FSTL4: variants seen among roughly 807,000 people sequenced by gnomAD.
The protein encoded by FSTL4 is follistatin-related protein 4.
A neutral mutation model predicts 78.2 loss-of-function variants in FSTL4; 28 were observed. The observed-to-expected ratio is 0.36, with a 90% CI of 0.27 to 0.49. FSTL4 has a LOEUF of 0.49. Among genes scored for constraint, FSTL4 ranks in the 20% least tolerant of loss-of-function variants. FSTL4 has a pLI of 0.98. For synonymous variants in FSTL4, 422 were observed against 440.5 expected, an observed-to-expected ratio of 0.96 and a Z score of 0.53; for missense variants, 922 against 1,084.9, an observed-to-expected ratio of 0.85 and a Z score of 2.11.
At chr5:133,510,482 C>G (rs76483571) in intron 3 of FSTL4, among the ~76,000 whole-genome samples, 3 of 152,164 alleles carry the variant, frequency 2.0e-5, no homozygotes, top group South Asian at 4.2e-4. Flanking sequence ...CAGCTCTCCA[C>G]GATTCATTTA....
rs191288902 is a variant in FSTL4, at chr5:133,385,073, T to C, written c.409+15665A>G. Reference sequence around the variant, plus strand: ...TCCGTTGTCGCGCTCCCCACCCTGGTTTACAATAGGCAGGGGGTGTGTGTC... The same window carrying C: ...TCCGTTGTCGCGCTCCCCACCCTGGCTTACAATAGGCAGGGGGTGTGTGTC... On this transcript the variant is annotated intron_variant, in intron 4 of 15. Coordinates refer to ENST00000265342, the MANE Select transcript of FSTL4 (RefSeq NM_015082.2). Among the ~76,000 whole-genome samples, 147 of 152,164 alleles carry C rather than the reference T, an allele frequency of 9.7e-4. 1 individual carries two copies. The highest frequency in any genetic ancestry group is 3.4e-3 in the African/African-American group (139 of 41,482).
chr5:133,493,279 C>G (rs1758306419), intron 3 of FSTL4, among the ~76,000 whole-genome samples: 1 of 152,088 alleles, frequency 6.6e-6, no homozygotes. Flanking sequence ...TTTTCTTTTT[C>G]CCATCGGCAT....
At chr5:133,770,661 TA>T in the FSTL4 span, among the ~76,000 whole-genome samples, 5 of 152,218 alleles carry the variant, frequency 3.3e-5, no homozygotes, top group African/African-American at 1.2e-4. Flanking sequence ...TTTCCCATTC[TA>T]CAGGTTGTCT....
chr5:133,829,127 C>T, the FSTL4 span, among the ~76,000 whole-genome samples: 5 of 152,300 alleles, frequency 3.3e-5, no homozygotes, highest in East Asian at 3.9e-4. Flanking sequence ...TGGTGCCTCA[C>T]GCCTGTAATC....
chr5:133,782,765 C>A, the FSTL4 span, among the ~76,000 whole-genome samples: 1 of 152,306 alleles, frequency 6.6e-6, no homozygotes, highest in Non-Finnish European at 1.5e-5. Flanking sequence ...GCAAACAGTA[C>A]CCAAGCCACA....
intron 3 of FSTL4, among the ~76,000 whole-genome samples, chr5:133,553,015 T>C (rs988737492): frequency 2.0e-5 from 3 of 152,198 alleles, no homozygotes; most frequent in African/African-American, 2.4e-5. Flanking sequence ...TAAAGTCTCC[T>C]GGTCCTGCGG....
rs1754516789 is a variant in FSTL4, at chr5:133,338,532, T to C, written c.410-21880A>G. Among the ~76,000 whole-genome samples the C allele has an allele frequency of 6.6e-6, 1 of 152,090 alleles. No homozygotes were observed. The highest frequency in any genetic ancestry group is 1.5e-5 in the Non-Finnish European group (1 of 68,002). On this transcript the variant is annotated intron_variant, in intron 4 of 15. Coordinates refer to ENST00000265342, the MANE Select transcript of FSTL4 (RefSeq NM_015082.2). This position sits in a 1 kb window ranked among gnomAD's most constrained non-coding sequence, Gnocchi z 4.0. Reference sequence around the variant, plus strand: ...CTTCCCTCTGCTCCCCCATGGATACTCGGTTCCCTCAATCGAGGCTGGTGC... The same window carrying C: ...CTTCCCTCTGCTCCCCCATGGATACCCGGTTCCCTCAATCGAGGCTGGTGC...
chr5:133,480,253 G>A (rs1580735776), intron 3 of FSTL4, among the ~76,000 whole-genome samples: 1 of 152,222 alleles, frequency 6.6e-6, no homozygotes, highest in African/African-American at 2.4e-5. Context: ...CTTCACCTCT[G>A]TAAGCCTCCG....
chr5:133,506,453 AAGGGGAC>A (rs1758614274), intron 3 of FSTL4, among the ~76,000 whole-genome samples: 1 of 152,190 alleles, frequency 6.6e-6, no homozygotes, highest in South Asian at 2.1e-4. Context: ...AGGAATGAGA[AAGGGGAC>A]AGATTTGGTC....
the FSTL4 span, among the ~76,000 whole-genome samples, chr5:133,636,104 A>G: frequency 7.9e-5 from 12 of 152,218 alleles, no homozygotes; most frequent in South Asian, 2.3e-3. Context: ...AGAATAAACA[A>G]CCTTAAGGGG....
intron 3 of FSTL4, among the ~76,000 whole-genome samples, chr5:133,464,116 T>C (rs1379718742): frequency 6.6e-6 from 1 of 152,220 alleles, no homozygotes; most frequent in Non-Finnish European, 1.5e-5. Context: ...CCCTTGGATG[T>C]TCCACCTAGA....
rs551556511 is a variant in FSTL4, at chr5:133,465,679, G to A, written c.161-64693C>T. The stretch of plus-strand genomic sequence containing the variant: ...CAGTGCTCACTGTCCTGGTAAGGGA[G>A]CAGTTCCTCTCAGACTTTGGTGAGT... On this transcript the variant is annotated intron_variant, in intron 3 of 15. Transcript: ENST00000265342. Among the ~76,000 whole-genome samples the A allele has an allele frequency of 1.3e-3, 205 of 152,366 alleles. 1 individual carries two copies. The highest frequency in any genetic ancestry group is 2.4e-3 in the Non-Finnish European group (163 of 68,038).
the FSTL4 span, among the ~76,000 whole-genome samples, chr5:133,732,060 C>T: frequency 7.2e-5 from 11 of 152,274 alleles, no homozygotes; most frequent in Admixed American, 4.6e-4. Context: ...TGCTTCCCAC[C>T]GGGCACTTGG....
chr5:133,506,087 G>A (rs1167166161), intron 3 of FSTL4, among the ~76,000 whole-genome samples: 1 of 152,196 alleles, frequency 6.6e-6, no homozygotes, highest in African/African-American at 2.4e-5. Flanking sequence ...TTCATTGAAT[G>A]GAAAATCATC....
intron 6 of FSTL4, among the ~76,000 whole-genome samples, chr5:133,270,487 C>T (rs556587485): frequency 6.6e-6 from 1 of 152,148 alleles, no homozygotes; most frequent in Admixed American, 6.6e-5. Context: ...CCTGAAACGG[C>T]GTGGCAGCTG....
At chr5:133,636,053 C>A in the FSTL4 span, among the ~76,000 whole-genome samples, 6 of 152,178 alleles carry the variant, frequency 3.9e-5, no homozygotes, top group Non-Finnish European at 8.8e-5. Flanking sequence ...AGGTCGGCAC[C>A]TGGCCTATAA....
chr5:133,201,269 C>T (rs1750309951), intron 15 of FSTL4, among the ~76,000 whole-genome samples: 1 of 152,266 alleles, frequency 6.6e-6, no homozygotes, highest in Admixed American at 6.5e-5. Flanking sequence ...GAAGTGAATA[C>T]GGATGGGGAC....
intron 3 of FSTL4, among the ~76,000 whole-genome samples, chr5:133,529,862 T>C (rs1759214533): frequency 6.6e-6 from 1 of 152,040 alleles, no homozygotes; most frequent in African/African-American, 2.4e-5. Flanking sequence ...AATAAAATGT[T>C]TCGGGTTTTT....
intron 6 of FSTL4, among the ~76,000 whole-genome samples, chr5:133,295,729 G>A (rs755142326): frequency 2.0e-5 from 3 of 152,094 alleles, no homozygotes; most frequent in African/African-American, 4.8e-5. Flanking sequence ...ACAGCTGACC[G>A]CTTCCTGACT....
Sources: allele counts gnomAD v4.1 joint callset (sites outside exome capture counted in the v4.1 genomes callset), GRCh38; gene constraint gnomAD v4.1.1; non-coding constraint Gnocchi (gnomAD v3.1); transcripts MANE v1.5; gene names NCBI Gene and HGNC (gene_info 2026-07-23, HGNC 2026-07-21).